The following NDUFAF5 variants were observed in gnomAD, a reference collection of about 807,000 sequenced individuals.
NDUFAF5 encodes arginine-hydroxylase NDUFAF5, mitochondrial.
NDUFAF5 carries 34 observed loss-of-function variants against 48.9 expected under a neutral mutation model. The ratio of observed to expected loss-of-function variants is 0.70; its 90% confidence interval spans 0.53 to 0.93. NDUFAF5 has a LOEUF of 0.93. Ranked by LOEUF, NDUFAF5 falls within the 40% of genes least tolerant of loss-of-function variation. NDUFAF5 has a pLI of 0.00. For synonymous variants in NDUFAF5, 153 were observed against 150.6 expected (o/e 1.02, Z -0.12); for missense variants, 428 against 427.5 (o/e 1.00, Z -0.01).
intron 3 of NDUFAF5, 40 bp downstream of exon 3, chr20:13,788,692 C>A: frequency 7.6e-7 from 1 of 1,311,754 alleles, no homozygotes; most frequent in Non-Finnish European, 1.1e-6. Flanking sequence ...TGAAAAGTAA[C>A]ATTGGCTAAT....
chr20:13,812,251 A>C (rs1035239704), intron 8 of NDUFAF5, among the ~76,000 whole-genome samples: 3 of 152,204 alleles, frequency 2.0e-5, no homozygotes, highest in African/African-American at 7.2e-5. Flanking sequence ...CGTAGCTGAA[A>C]TCTTACCATT....
At chr20:13,805,176 G>A (rs922414671) in intron 7 of NDUFAF5, among the ~76,000 whole-genome samples, 1 of 151,776 alleles carries the variant, frequency 6.6e-6, no homozygotes, top group Non-Finnish European at 1.5e-5. Context: ...GTGGCGATGT[G>A]TAGTGCACAT....
chr20:13,786,014 A>G (rs770754116), intron 1 of NDUFAF5, among the ~76,000 whole-genome samples: 2 of 152,100 alleles, frequency 1.3e-5, no homozygotes, highest in Non-Finnish European at 2.9e-5. Flanking sequence ...GATCTGACTT[A>G]TGTTTTAGGA....
At chr20:13,807,426 T>C (rs1018441571) in intron 7 of NDUFAF5, among the ~76,000 whole-genome samples, 7 of 152,174 alleles carry the variant, frequency 4.6e-5, no homozygotes, top group Non-Finnish European at 1.0e-4. Flanking sequence ...AGATCCACTT[T>C]TTTTTATAGA....
At chr20:13,797,240 T>A (rs929655276) in intron 5 of NDUFAF5, among the ~76,000 whole-genome samples, 2 of 152,230 alleles carry the variant, frequency 1.3e-5, no homozygotes, top group African/African-American at 4.8e-5. Flanking sequence ...TGCATGCTCC[T>A]TGGTGTTTAC....
intron 3 of NDUFAF5, among the ~76,000 whole-genome samples, chr20:13,790,906 G>A (rs866004900): frequency 6.6e-6 from 1 of 152,112 alleles, no homozygotes; most frequent in Admixed American, 6.5e-5. Context: ...GCTTTCTGCC[G>A]ACTAGTTGCT....
chr20:13,790,664 A>G (rs1982134520), intron 3 of NDUFAF5, among the ~76,000 whole-genome samples: 1 of 152,314 alleles, frequency 6.6e-6, no homozygotes, highest in Admixed American at 6.5e-5. Flanking sequence ...GTCCTAATCT[A>G]TAAGACCCTC....
chr20:13,797,023 T>C (rs1344062410), intron 5 of NDUFAF5, among the ~76,000 whole-genome samples: 1 of 152,178 alleles, frequency 6.6e-6, no homozygotes, highest in Admixed American at 6.5e-5. Context: ...TATACAGCTC[T>C]GGTTTTTGTT....
At chr20:13,808,742 G>C in intron 7 of NDUFAF5, 100 bp from the exon 8 acceptor site, 2 of 731,988 alleles carry the variant, frequency 2.7e-6, no homozygotes, top group South Asian at 1.5e-5. Context: ...TTTTTGCTTA[G>C]CATGGGAGAT....
rs1358407162 is a variant in NDUFAF5, at chr20:13,794,799, CATAA to C, written c.376-36_376-33del. The C allele has an allele frequency of 2.5e-6, 3 of 1,196,066 alleles. No individual in the cohort carries two copies. In the South Asian group the frequency reaches 3.7e-5, roughly 15 times the overall value. The allele number at this position is 1,196,066 out of a possible 1,614,324, so 74.1% of individuals were successfully genotyped here. ...GATTGTGTTAGTAATTGAGATTCTA[CATAA>C]ATGTGATTTTGATCTTTCGTTTTCT... On this transcript the variant is annotated intron_variant, in intron 4 of 10. Transcript: ENST00000378106.
rs989440298 is a variant in NDUFAF5 at position 13,817,973 on chromosome 20, G to T, written c.*763G>T. On this transcript the variant is annotated 3_prime_UTR_variant, in exon 11 of 11. Coordinates refer to ENST00000378106, the MANE Select transcript of NDUFAF5 (RefSeq NM_024120.5). ...GAGAAGAACATAGAGGAAGCAGGGA[G>T]AAGGCTGAGAAGCAAGCAGGAGTGA... 2.2e-6 allele frequency: 1 copy of T among 454,062 alleles called. No individual in the cohort carries two copies. Among genetic ancestry groups the T allele is most frequent in the Non-Finnish European group, 4.4e-6 (1 of 226,816 alleles). The allele number at this position is 454,062 out of a possible 1,614,324, so 28.1% of individuals were successfully genotyped here.
At chr20:13,802,244 A>G (rs1044696898) in intron 7 of NDUFAF5, among the ~76,000 whole-genome samples, 4 of 152,354 alleles carry the variant, frequency 2.6e-5, no homozygotes, top group South Asian at 4.1e-4. Context: ...TGAAGTCAGC[A>G]TGGTACGGTG....
chr20:13,806,296 A>G (rs995732186), intron 7 of NDUFAF5, among the ~76,000 whole-genome samples: 1 of 152,236 alleles, frequency 6.6e-6, no homozygotes, highest in Non-Finnish European at 1.5e-5. Flanking sequence ...TCACAAGGTC[A>G]GGAGATCAAG....
chr20:13,785,878 TTC>T (rs1416473949), intron 1 of NDUFAF5, among the ~76,000 whole-genome samples: 1 of 152,234 alleles, frequency 6.6e-6, no homozygotes, highest in African/African-American at 2.4e-5. Flanking sequence ...CAATTAAAAT[TTC>T]TCTCGTTTTT....
chr20:13,803,571 C>G (rs544123048), intron 7 of NDUFAF5: 2 of 152,270 alleles, frequency 1.3e-5, no homozygotes, highest in African/African-American at 4.8e-5. Flanking sequence ...AGTAAGAGTT[C>G]TCAAAATTTT....
chr20:13,801,572 G>A lies in NDUFAF5; in HGVS notation c.606G>A (p.Gln202=). 1 of 1,613,960 alleles carries A rather than the reference G, an allele frequency of 6.2e-7. No individual in the cohort carries two copies. The highest frequency in any genetic ancestry group is 8.5e-7 in the Non-Finnish European group (1 of 1,179,940). ...DTLYELRCSL[Q]LAETEREGGF... ...TCTATGAACTTCGGTGTTCCTTACAGTTAGCGGAAACGGAAAGGGAAGGAG... is the reference window on the plus strand; with the variant it reads ...TCTATGAACTTCGGTGTTCCTTACAATTAGCGGAAACGGAAAGGGAAGGAG... The change falls in exon 7 of 11, where the codon CAG becomes CAA. Residue 202 remains glutamine (Q), a synonymous_variant. Transcript: ENST00000378106.
At chr20:13,787,446 CCTGGA>C in intron 2 of NDUFAF5, 94 bp downstream of exon 2, 1 of 1,175,886 alleles carries the variant, frequency 8.5e-7, no homozygotes, top group South Asian at 1.2e-5. Flanking sequence ...AATGGCAGAA[CCTGGA>C]AGAATTTACT....
intron 8 of NDUFAF5, among the ~76,000 whole-genome samples, chr20:13,812,112 C>A (rs1023488929): frequency 6.6e-6 from 1 of 152,218 alleles, no homozygotes; most frequent in South Asian, 2.1e-4. Flanking sequence ...TGCTTCTTGG[C>A]TCTGCCCTGG....
Position 13,820,089 on chromosome 20 carries a change from G to C in NDUFAF5, c.*2879G>C, listed in dbSNP as rs1270410208. On this transcript the variant is annotated 3_prime_UTR_variant, in exon 11 of 11. Coordinates refer to ENST00000378106, the MANE Select transcript of NDUFAF5 (RefSeq NM_024120.5). ...TATGTGCACACCGTGACACCTGTTGGCTGCCAGGAGACTGTTTGGCTTATT... is the reference window on the plus strand; with the variant it reads ...TATGTGCACACCGTGACACCTGTTGCCTGCCAGGAGACTGTTTGGCTTATT... The C allele has an allele frequency of 6.6e-6, 1 of 152,154 alleles. No individual in the cohort carries two copies. Among genetic ancestry groups the C allele is most frequent in the Non-Finnish European group, 1.5e-5 (1 of 68,022 alleles). The allele number at this position is 152,154 out of a possible 1,614,324, so 9.4% of individuals were successfully genotyped here.
Sources: gnomAD v4.1 joint callset for allele counts (sites outside exome capture counted in the v4.1 genomes callset) on GRCh38, gnomAD v4.1.1 for gene constraint, MANE v1.5 for transcripts, NCBI Gene and HGNC (gene_info 2026-07-23, HGNC 2026-07-21) for gene names.